Variants in GK5 observed in about 807,000 individuals in gnomAD.
GK5 encodes ATP:glycerol 3-phosphotransferase 5.
A neutral mutation model predicts 77.3 loss-of-function variants in GK5; 39 were observed. The ratio of observed to expected loss-of-function variants is 0.50; its 90% CI spans 0.39 to 0.66. The LOEUF (loss-of-function observed/expected upper bound fraction) is 0.66. Among genes scored for constraint, GK5 ranks in the 30% least tolerant of loss-of-function variants. The pLI is 0.00. For synonymous variants in GK5, 211 were observed against 208.0 expected, an observed-to-expected ratio of 1.01 and a Z score of -0.13; for missense variants, 487 against 633.8, an observed-to-expected ratio of 0.77 and a Z score of 2.49.
rs1293295503 is a variant in GK5, at chr3:142,163,221, A to G, written c.*2401T>C. 4 of 152,114 alleles carry G rather than the reference A, an allele frequency of 2.6e-5. No homozygotes were observed. Among genetic ancestry groups the G allele is most frequent in the South Asian group, 4.1e-4 (2 of 4,830 alleles). 9.4% of individuals were successfully genotyped at this position (152,114 alleles called of 1,614,324 possible). A position where few individuals can be genotyped will look rare whatever the true frequency, so the allele number is the denominator to read the frequency against. On this transcript the variant is annotated 3_prime_UTR_variant, in exon 16 of 16. Transcript: ENST00000392993. ...CCACTGACACTTGAGGAGATGCTCA[A>G]TTCCGATGAGGGACATTCAAAGTTA...
chr3:142,199,847 A>C (rs1457959565), intron 4 of GK5, among the ~76,000 whole-genome samples: 1 of 151,974 alleles, frequency 6.6e-6, no homozygotes, highest in East Asian at 1.9e-4. Context: ...GATGTTTTAC[A>C]AAACACTTAA....
At chr3:142,214,267 T>C (rs1470993546) in intron 2 of GK5, among the ~76,000 whole-genome samples, 5 of 152,228 alleles carry the variant, frequency 3.3e-5, no homozygotes, top group African/African-American at 1.2e-4. Flanking sequence ...TCAATCATAA[T>C]AGAAGCTGGT....
rs1261339136 is a variant in GK5 at position 142,162,066 on chromosome 3, C to T, written c.*3556G>A. ...CCGCCTGCCTTGGCCTCCCAAAGTG[C>T]TAGGATTACAGGTGTGAGCCACTGT... On this transcript the variant is annotated 3_prime_UTR_variant, in exon 16 of 16. Transcript: ENST00000392993. 1 of 152,224 alleles carries T rather than the reference C, an allele frequency of 6.6e-6. No homozygotes were observed. The allele number at this position is 152,224 out of a possible 1,614,324, so 9.4% of individuals were successfully genotyped here.
intron 6 of GK5, 126 bp downstream of exon 6, chr3:142,187,578 C>G: frequency 1.5e-6 from 1 of 679,808 alleles, no homozygotes; most frequent in East Asian, 2.8e-5. Flanking sequence ...GCACTCCCGC[C>G]TGGTTGACAG....
chr3:142,174,266 T>A (rs928659360), intron 12 of GK5, among the ~76,000 whole-genome samples: 25 of 152,334 alleles, frequency 1.6e-4, no homozygotes, highest in African/African-American at 5.5e-4. Flanking sequence ...AGAAATTCTA[T>A]ATTACATCTT....
rs1323507103 is a variant in GK5, at chr3:142,158,198, G to C, written c.*7424C>G. 1.3e-5 allele frequency: 2 copies of C among 152,380 alleles called. No individual in the cohort carries two copies. The highest frequency in any genetic ancestry group is 3.8e-4 in the East Asian group (2 of 5,198). The allele number at this position is 152,380 out of a possible 1,614,324, so 9.4% of individuals were successfully genotyped here. On this transcript the variant is annotated 3_prime_UTR_variant, in exon 16 of 16. Coordinates refer to ENST00000392993, the MANE Select transcript of GK5 (RefSeq NM_001039547.3). ...GATCTCCTGACCTCGTGATCCGCCA[G>C]CCGTGGCCTCCCAAAGTGCTGGGAC...
Position 142,157,662 on chromosome 3 carries a change from T to C in GK5, c.*7960A>G, listed in dbSNP as rs1295434755. 6.6e-6 allele frequency: 1 copy of C among 152,250 alleles called. No individual in the cohort carries two copies. The highest frequency in any genetic ancestry group is 1.5e-5 in the Non-Finnish European group (1 of 68,038). The allele number at this position is 152,250 out of a possible 1,614,324, so 9.4% of individuals were successfully genotyped here. On this transcript the variant is annotated 3_prime_UTR_variant, in exon 16 of 16. Transcript: ENST00000392993. The stretch of plus-strand genomic sequence containing the variant: ...AGGCTAATTCCATCATATTAGTATA[T>C]GAAATTATCTTTTCTCCAGTTATTT...
chr3:142,186,384 T>G (rs879422038), intron 7 of GK5, 68 bp downstream of exon 7: 2 of 1,069,980 alleles, frequency 1.9e-6, no homozygotes, highest in African/African-American at 3.3e-5. Context: ...AAACTAATTT[T>G]AAAAATTTAA....
At chr3:142,216,431 T>C (rs1344522884) in intron 1 of GK5, among the ~76,000 whole-genome samples, 1 of 152,120 alleles carries the variant, frequency 6.6e-6, no homozygotes, top group East Asian at 1.9e-4. Context: ...CAGTTAATAA[T>C]GGTATCGGTG....
In GK5 at chr3:142,181,565, C is replaced by T. The variant is rs775161843; in HGVS notation, c.944G>A (p.Gly315Asp). 5.6e-6 allele frequency: 9 copies of T among 1,598,756 alleles called. No individual in the cohort carries two copies. Among genetic ancestry groups the T allele is most frequent in the Non-Finnish European group, 7.7e-6 (9 of 1,168,232 alleles). ...CTTCCACCCAATTAATGGATAAAAG[C>T]CTTGCAAAACAAACAACGAATGTTA... ...TGNSLQQTTG[G>D]FYPLIGWKIG... is the part of the protein sequence containing the mutation. The change falls in exon 11 of 16, where the codon GGC (glycine) becomes GAC (aspartate). Residue 315 changes from glycine to aspartate, a missense_variant and splice_region_variant. Coordinates refer to ENST00000392993, the MANE Select transcript of GK5 (RefSeq NM_001039547.3).
intron 11 of GK5, 145 bp from the exon 12 acceptor site, chr3:142,177,721 T>A: frequency 1.6e-6 from 1 of 608,442 alleles, no homozygotes; most frequent in Non-Finnish European, 2.9e-6. Context: ...CTTAAAAGGG[T>A]CAGCACAAAG....
intron 5 of GK5, among the ~76,000 whole-genome samples, chr3:142,197,592 C>T (rs1418885200): frequency 6.6e-6 from 1 of 152,068 alleles, no homozygotes; most frequent in Non-Finnish European, 1.5e-5. Flanking sequence ...ATATTACTTA[C>T]CAACTAGGAT....
chr3:142,172,811 T>C (rs2063556463), intron 12 of GK5, among the ~76,000 whole-genome samples: 1 of 152,274 alleles, frequency 6.6e-6, no homozygotes, highest in Admixed American at 6.5e-5. Flanking sequence ...TTGTTTAATA[T>C]GTAGAATAGC....
chr3:142,189,983 G>C (rs2063826367), intron 5 of GK5, among the ~76,000 whole-genome samples: 1 of 151,956 alleles, frequency 6.6e-6, no homozygotes, highest in South Asian at 2.1e-4. Context: ...CAATAACATG[G>C]AAGAAAAACA....
chr3:142,218,635 C>T (rs1049047841), intron 1 of GK5, among the ~76,000 whole-genome samples: 3 of 150,728 alleles, frequency 2.0e-5, no homozygotes, highest in African/African-American at 7.3e-5. Flanking sequence ...AAATGTAAAA[C>T]TATAAAATGT....
In GK5 at chr3:142,163,337, T is replaced by C. The variant is rs2063440342; in HGVS notation, c.*2285A>G. ...TTGCCCAGGCTACAGTGCAGTGGCA[T>C]GATCTTGGCTCACTGCAACTTCCAC... On this transcript the variant is annotated 3_prime_UTR_variant, in exon 16 of 16. Transcript: ENST00000392993. The C allele has an allele frequency of 6.6e-6, 1 of 151,336 alleles. No homozygotes were observed. The highest frequency in any genetic ancestry group is 1.5e-5 in the Non-Finnish European group (1 of 67,928). The allele number at this position is 151,336 out of a possible 1,614,324, so 9.4% of individuals were successfully genotyped here.
At chr3:142,202,823 G>A (rs754016481) in intron 4 of GK5, among the ~76,000 whole-genome samples, 5 of 152,170 alleles carry the variant, frequency 3.3e-5, no homozygotes, top group African/African-American at 7.2e-5. Context: ...CAGGCATGGC[G>A]GCATGTGCCT....
intron 12 of GK5, chr3:142,173,193 A>G (rs1435929002): frequency 4.6e-6 from 2 of 430,228 alleles, no homozygotes; most frequent in South Asian, 1.6e-5. Flanking sequence ...AGAGTGAGAC[A>G]GGGTCTAAAA....
rs2063452311 is a variant in GK5 at position 142,164,473 on chromosome 3, T to G, written c.*1149A>C. On this transcript the variant is annotated 3_prime_UTR_variant, in exon 16 of 16. Transcript: ENST00000392993. The stretch of plus-strand genomic sequence containing the variant: ...CTTGACACTACTCACGACTTACTCC[T>G]CCTCACTGTTTCTTCCAAGAAAGTC... 6.6e-6 allele frequency: 1 copy of G among 152,194 alleles called. No individual in the cohort carries two copies. Among genetic ancestry groups the G allele is most frequent in the African/African-American group, 2.4e-5 (1 of 41,430 alleles). 9.4% of individuals were successfully genotyped at this position (152,194 alleles called of 1,614,324 possible).
Sources: allele counts gnomAD v4.1 joint callset (sites outside exome capture counted in the v4.1 genomes callset), GRCh38; gene constraint gnomAD v4.1.1; transcripts MANE v1.5; gene names NCBI Gene and HGNC (gene_info 2026-07-23, HGNC 2026-07-21).